Variants in LSAMP observed in about 807,000 individuals in gnomAD.
The protein encoded by LSAMP is limbic system associated membrane protein, also known as limbic system-associated membrane protein.
LSAMP carries 7 observed loss-of-function variants against 38.6 expected under a neutral mutation model. The ratio of observed to expected loss-of-function variants is 0.18; its 90% CI spans 0.10 to 0.34. The LOEUF (loss-of-function observed/expected upper bound fraction) is 0.34, where lower values mean the gene tolerates loss of function less well. Among genes scored for constraint, LSAMP ranks in the 10% least tolerant of loss-of-function variants. The pLI, the probability that LSAMP is intolerant of heterozygous loss-of-function variation, is 1.00. For missense variants in LSAMP, 313 were observed against 420.0 expected (o/e 0.75, Z 2.23); for synonymous variants, 154 against 166.8 (o/e 0.92, Z 0.59).
At chr3:116,337,119 T>A (rs534781595) in intron 1 of LSAMP, among the ~76,000 whole-genome samples, 31 of 152,034 alleles carry the variant, frequency 2.0e-4, no homozygotes, top group African/African-American at 7.5e-4. Flanking sequence ...CTTAGAATAG[T>A]CAAAATCATA....
intron 3 of LSAMP, among the ~76,000 whole-genome samples, chr3:115,886,962 A>G (rs1936469354): frequency 6.6e-6 from 1 of 151,922 alleles, no homozygotes; most frequent in Non-Finnish European, 1.5e-5. Flanking sequence ...CTCAACTTTA[A>G]TTATTTTTTA....
intron 1 of LSAMP, among the ~76,000 whole-genome samples, chr3:116,284,906 T>C (rs1402457344): frequency 1.3e-5 from 2 of 152,160 alleles, no homozygotes; most frequent in Non-Finnish European, 2.9e-5. Context: ...TGAAGAAATA[T>C]AAAATATGAC....
chr3:115,999,517 A>C (rs1034312214), intron 3 of LSAMP, among the ~76,000 whole-genome samples: 4 of 152,208 alleles, frequency 2.6e-5, no homozygotes, highest in Non-Finnish European at 5.9e-5. Context: ...CCTGGTTTGA[A>C]GGATGAGCTT....
chr3:116,143,044 T>G (rs1161231341), intron 1 of LSAMP, among the ~76,000 whole-genome samples: 1 of 149,380 alleles, frequency 6.7e-6, no homozygotes, highest in Non-Finnish European at 1.5e-5. Flanking sequence ...AATATATAAC[T>G]ACATTATATC....
intron 1 of LSAMP, among the ~76,000 whole-genome samples, chr3:116,394,417 C>T (rs945706541): frequency 3.3e-5 from 5 of 152,028 alleles, no homozygotes; most frequent in African/African-American, 9.7e-5. Flanking sequence ...TATCCCTGAC[C>T]GAGGCCAATG....
chr3:116,289,659 G>T (rs969252319), intron 1 of LSAMP, among the ~76,000 whole-genome samples: 1 of 152,086 alleles, frequency 6.6e-6, no homozygotes, highest in Admixed American at 6.6e-5. Context: ...GAGTGCCTCG[G>T]TGGTAAGATC....
Position 116,062,537 on chromosome 3 carries a change from AAGT to A in LSAMP, c.388+23784_388+23786del, listed in dbSNP as rs1005623293. ...TCTCAAAAAAAAATTAAAAATTAAA[AAGT>A]ATATACTCAGTGTGAAATCCAAAGT... On this transcript the variant is annotated intron_variant, in intron 2 of 6. Coordinates refer to ENST00000490035, the MANE Select transcript of LSAMP (RefSeq NM_002338.5). 7.4e-4 allele frequency among the ~76,000 whole-genome samples: 113 copies of A among 152,122 alleles called. 1 individual carries two copies. Among genetic ancestry groups the A allele is most frequent in the African/African-American group, 2.6e-3 (109 of 41,492 alleles).
Position 116,210,605 on chromosome 3 carries a change from G to A in LSAMP, c.156-124049C>T, listed in dbSNP as rs374980884. The stretch of plus-strand genomic sequence containing the variant: ...CTCGGACTGGCTTCCTGGCTCCTCA[G>A]CTTGCAGACAGCTTATTGTGGGACT... On this transcript the variant is annotated intron_variant, in intron 1 of 6. Coordinates refer to ENST00000490035, the MANE Select transcript of LSAMP (RefSeq NM_002338.5). Among the ~76,000 whole-genome samples the A allele has an allele frequency of 2.8e-4, 43 of 152,290 alleles. 1 individual carries two copies. Among genetic ancestry groups the A allele is most frequent in the East Asian group, 9.7e-4 (5 of 5,170 alleles).
chr3:116,318,508 G>A (rs1468160603), intron 1 of LSAMP, among the ~76,000 whole-genome samples: 2 of 152,140 alleles, frequency 1.3e-5, no homozygotes, highest in Non-Finnish European at 2.9e-5. Context: ...CCAACTGTCA[G>A]CCTGACCTTT....
At chr3:116,354,537 T>C (rs2048193513) in intron 1 of LSAMP, among the ~76,000 whole-genome samples, 1 of 152,182 alleles carries the variant, frequency 6.6e-6, no homozygotes, top group Non-Finnish European at 1.5e-5. Context: ...AAATATTTCC[T>C]CATAGCTAGA....
At chr3:115,817,690 C>T (rs910888711) in intron 6 of LSAMP, among the ~76,000 whole-genome samples, 2 of 152,116 alleles carry the variant, frequency 1.3e-5, no homozygotes, top group Non-Finnish European at 1.5e-5. Context: ...CCTTGAAGCC[C>T]ATCACTTGCA....
intron 1 of LSAMP, among the ~76,000 whole-genome samples, chr3:116,276,160 T>G: frequency 6.6e-6 from 1 of 152,296 alleles, no homozygotes; most frequent in African/African-American, 2.4e-5. Context: ...TAAAAAAATC[T>G]TGTGAAAAGG....
chr3:116,429,494 T>C (rs2049250646), intron 1 of LSAMP, among the ~76,000 whole-genome samples: 1 of 152,188 alleles, frequency 6.6e-6, no homozygotes, highest in African/African-American at 2.4e-5. Context: ...GCTTCATTAT[T>C]GCTGATGAGT....
chr3:115,936,119 G>A (rs551805894), intron 3 of LSAMP, among the ~76,000 whole-genome samples: 320 of 152,292 alleles, frequency 2.1e-3, no homozygotes, highest in African/African-American at 7.5e-3. Context: ...CTGGAAGTCC[G>A]AGAGAACCAC....
chr3:116,244,619 C>T (rs1337042913), intron 1 of LSAMP, among the ~76,000 whole-genome samples: 1 of 152,204 alleles, frequency 6.6e-6, no homozygotes, highest in Non-Finnish European at 1.5e-5. Context: ...TCTCACACAG[C>T]ATCTTGTATT....
In LSAMP at chr3:116,221,844, A is replaced by AGTGTGTGTGTGT. The variant is rs58596077; in HGVS notation, c.156-135300_156-135289dup. Among the ~76,000 whole-genome samples the AGTGTGTGTGTGT allele has an allele frequency of 3.9e-3, 563 of 145,464 alleles. 6 individuals are homozygous for AGTGTGTGTGTGT. The highest frequency in any genetic ancestry group is 0.01 in the Middle Eastern group (3 of 288). On this transcript the variant is annotated intron_variant, in intron 1 of 6. Transcript: ENST00000490035. Reference sequence around the variant, plus strand: ...AACATTCTGCGTGATCCTAAAAAGAAGTGTGTGTGTGTGTGTGTGTGTGTG... The same window carrying AGTGTGTGTGTGT: ...AACATTCTGCGTGATCCTAAAAAGAAGTGTGTGTGTGTGTGTGTGTGTGTGTGTGTGTGTGTG...
chr3:116,160,719 G>T (rs1709869531), intron 1 of LSAMP, among the ~76,000 whole-genome samples: 2 of 152,124 alleles, frequency 1.3e-5, no homozygotes, highest in South Asian at 2.1e-4. Flanking sequence ...CTTGATGACT[G>T]GTATGTGAAT....
intron 1 of LSAMP, among the ~76,000 whole-genome samples, chr3:116,091,100 G>A (rs755502828): frequency 2.0e-5 from 3 of 152,168 alleles, no homozygotes; most frequent in Admixed American, 6.5e-5. Flanking sequence ...CCCCTGGGGG[G>A]CCAGTTCAGA....
chr3:116,075,855 A>G (rs1415808515), intron 2 of LSAMP, among the ~76,000 whole-genome samples: 2 of 152,014 alleles, frequency 1.3e-5, no homozygotes, highest in East Asian at 3.9e-4. Flanking sequence ...GAGTCTTTTA[A>G]TTTTATATAT....
Sources: allele counts gnomAD v4.1 joint callset (sites outside exome capture counted in the v4.1 genomes callset), GRCh38; gene constraint gnomAD v4.1.1; transcripts MANE v1.5; gene names NCBI Gene and HGNC (gene_info 2026-07-23, HGNC 2026-07-21).